DYNC2H1: variants seen among roughly 807,000 people sequenced by gnomAD.
The protein encoded by DYNC2H1 is dynein cytoplasmic 2 heavy chain 1.
A neutral mutation model predicts 570.0 loss-of-function variants in DYNC2H1; 410 were observed. The observed-to-expected ratio is 0.72, with a 90% confidence interval of 0.66 to 0.78. DYNC2H1 has a LOEUF of 0.78. Among genes scored for constraint, DYNC2H1 ranks in the 30% least tolerant of loss-of-function variants. The pLI, the probability that DYNC2H1 is intolerant of heterozygous loss-of-function variation, is 0.00. For synonymous variants in DYNC2H1, 1,688 were observed against 1,677.6 expected, an observed-to-expected ratio of 1.01 and a Z score of -0.15; for missense variants, 4,865 against 5,046.4, an observed-to-expected ratio of 0.96 and a Z score of 1.09.
Position 103,113,549 on chromosome 11 carries a change from G to A in DYNC2H1, c.208G>A (p.Asp70Asn). 1 of 1,557,766 alleles carries A rather than the reference G, an allele frequency of 6.4e-7. No individual in the cohort carries two copies. The highest frequency in any genetic ancestry group is 8.6e-7 in the Non-Finnish European group (1 of 1,158,798). The change falls in exon 2 of 89, where the codon GAC (aspartate) becomes AAC (asparagine). Residue 70 changes from aspartate to asparagine, a missense_variant. Transcript: ENST00000375735. ...TTTATCACTTTAGATTGAGTTTGGT[G>A]ACACAAAAGATAAAGTGCTGGTGTT... ...ISFSNTIEFG[D>N]TKDKVLVFFK...
At chr11:103,419,979 T>G (rs1943424585) in intron 84 of DYNC2H1, among the ~76,000 whole-genome samples, 1 of 150,882 alleles carries the variant, frequency 6.6e-6, no homozygotes, top group South Asian at 2.1e-4. Context: ...CACGAGAACT[T>G]CACAATGCAA....
chr11:103,152,763 C>T (rs1860629161), intron 21 of DYNC2H1, among the ~76,000 whole-genome samples: 2 of 152,098 alleles, frequency 1.3e-5, no homozygotes, highest in Non-Finnish European at 2.9e-5. Flanking sequence ...AGCGTATTGT[C>T]CAGGATGGGT....
chr11:103,172,007 T>C (rs572297798), intron 34 of DYNC2H1, among the ~76,000 whole-genome samples: 1 of 152,334 alleles, frequency 6.6e-6, no homozygotes, highest in Admixed American at 6.5e-5. Flanking sequence ...TTTTATATAA[T>C]GTGGATTGCT....
rs1475643748 is a variant in DYNC2H1 at position 103,241,496 on chromosome 11, T to A, written c.9820-2197T>A. The A allele has an allele frequency of 6.3e-7, 1 of 1,588,686 alleles. No homozygotes were observed. The highest frequency in any genetic ancestry group is 8.6e-7 in the Non-Finnish European group (1 of 1,161,120). ...CTTTGCTAAAAACATTTTGAAATGTTACCTTTCTTCTTTTCATTTAACTGC... is the reference window on the plus strand; with the variant it reads ...CTTTGCTAAAAACATTTTGAAATGTAACCTTTCTTCTTTTCATTTAACTGC... On this transcript the variant is annotated intron_variant, in intron 63 of 88. Transcript: ENST00000375735. This position sits in a 1 kb window ranked among gnomAD's most constrained non-coding sequence, Gnocchi z 5.1.
intron 63 of DYNC2H1, among the ~76,000 whole-genome samples, chr11:103,237,456 A>G (rs1364467126): frequency 6.6e-6 from 1 of 152,052 alleles, no homozygotes; most frequent in African/African-American, 2.4e-5. Flanking sequence ...GCTTCAGCTC[A>G]CTGTATTGGT....
intron 83 of DYNC2H1, among the ~76,000 whole-genome samples, chr11:103,373,013 G>A (rs1200239988): frequency 6.6e-6 from 1 of 152,078 alleles, no homozygotes; most frequent in Non-Finnish European, 1.5e-5. Context: ...GTGTGATCTT[G>A]ACTCACTGCA....
At chr11:103,292,690 T>C (rs958595211) in intron 75 of DYNC2H1, among the ~76,000 whole-genome samples, 4 of 152,220 alleles carry the variant, frequency 2.6e-5, no homozygotes, top group Non-Finnish European at 2.9e-5. Context: ...TCTCAAGACC[T>C]GGTTGTTTAA....
chr11:103,279,107 G>A (rs1235398161), intron 70 of DYNC2H1, among the ~76,000 whole-genome samples: 1 of 152,108 alleles, frequency 6.6e-6, no homozygotes, highest in African/African-American at 2.4e-5. Flanking sequence ...TAGGTACCCT[G>A]TATTTAAGAG....
chr11:103,281,413 G>T (rs576341717), intron 71 of DYNC2H1, among the ~76,000 whole-genome samples: 2 of 152,026 alleles, frequency 1.3e-5, no homozygotes, highest in South Asian at 4.2e-4. Flanking sequence ...ATTGGGAAAG[G>T]AGAACACTTT....
chr11:103,304,829 A>G, intron 77 of DYNC2H1, 109 bp downstream of exon 77: 2 of 1,144,620 alleles, frequency 1.7e-6, no homozygotes, highest in Non-Finnish European at 2.3e-6. Context: ...TTAAAAAGTA[A>G]TATTTGAGAA....
rs199705322 is a variant in DYNC2H1 at position 103,173,202 on chromosome 11, C to T, written c.5455C>T (p.His1819Tyr). Residue 1819 changes from histidine to tyrosine, a missense_variant, in exon 35 of 89, where the codon CAT becomes TAT. His to Tyr is a moderately conservative substitution (Grantham distance 83). Coordinates refer to ENST00000375735, the MANE Select transcript of DYNC2H1 (RefSeq NM_001377.3). ...KQLFRPVAMS[H>Y]PDNELIAEVI... is the part of the protein sequence containing the mutation. ...GCTTTTCAGGCCCGTAGCTATGTCT[C>T]ATCCAGACAATGAGCTTATTGCAGA... The T allele has an allele frequency of 1.8e-5, 29 of 1,602,730 alleles. No individual in the cohort carries two copies. Among genetic ancestry groups the T allele is most frequent in the Non-Finnish European group, 2.5e-5 (29 of 1,174,502 alleles).
At position 103,145,611 on chromosome 11, in the gene DYNC2H1, A is replaced by G. The variant is rs1301846974; in HGVS notation, c.2703-2161A>G. 1.3e-5 allele frequency among the ~76,000 whole-genome samples: 2 copies of G among 152,168 alleles called. No homozygotes were observed. Among genetic ancestry groups the G allele is most frequent in the African/African-American group, 4.8e-5 (2 of 41,450 alleles). On this transcript the variant is annotated intron_variant, in intron 18 of 88. Transcript: ENST00000375735. The surrounding 1 kb of genome is among the most constrained non-coding windows in gnomAD (Gnocchi z 4.2). ...CCCACACTGTATTTTTCATTTTGTC[A>G]TTTCTTGCTAACAAATTAACATGTA...
At chr11:103,347,947 T>C (rs1939830502) in intron 82 of DYNC2H1, among the ~76,000 whole-genome samples, 1 of 152,044 alleles carries the variant, frequency 6.6e-6, no homozygotes, top group African/African-American at 2.4e-5. Context: ...AGTGGCAAAC[T>C]AACCTACACT....
intron 17 of DYNC2H1, among the ~76,000 whole-genome samples, chr11:103,136,349 A>T (rs942492026): frequency 8.6e-5 from 13 of 151,720 alleles, no homozygotes; most frequent in African/African-American, 3.2e-4. Context: ...ACCATTAGGT[A>T]TATCTCCTAA....
At chr11:103,392,440 C>T (rs7949112) in intron 83 of DYNC2H1, among the ~76,000 whole-genome samples, 2,041 of 152,338 alleles carry the variant, frequency 0.013, 47 homozygotes, top group African/African-American at 0.046. Flanking sequence ...TGACCCCTTG[C>T]GCTTACTGGG....
intron 36 of DYNC2H1, among the ~76,000 whole-genome samples, chr11:103,175,576 C>A (rs983127557): frequency 6.6e-6 from 1 of 152,112 alleles, no homozygotes; most frequent in Non-Finnish European, 1.5e-5. Flanking sequence ...TCTTACCAAT[C>A]AGCAGCTAAT....
chr11:103,448,234 C>G (rs1034967959), intron 85 of DYNC2H1, among the ~76,000 whole-genome samples: 1 of 152,002 alleles, frequency 6.6e-6, no homozygotes, highest in African/African-American at 2.4e-5. Context: ...ATCTACAGTG[C>G]TTTTTACTGG....
At chr11:103,144,772 G>A (rs566385950) in intron 18 of DYNC2H1, among the ~76,000 whole-genome samples, 12 of 152,184 alleles carry the variant, frequency 7.9e-5, no homozygotes, top group South Asian at 2.1e-4. Flanking sequence ...AAAGCTGTTC[G>A]TTAGGAAATT....
intron 12 of DYNC2H1, 72 bp downstream of exon 12, chr11:103,125,367 T>G: frequency 1.0e-5 from 1 of 99,020 alleles, no homozygotes; most frequent in Non-Finnish European, 1.7e-5. Flanking sequence ...TGCTAAAGGC[T>G]TTTTTTTTTT....
Sources: allele counts gnomAD v4.1 joint callset (sites outside exome capture counted in the v4.1 genomes callset), GRCh38; gene constraint gnomAD v4.1.1; non-coding constraint Gnocchi (gnomAD v3.1); transcripts MANE v1.5; gene names NCBI Gene and HGNC (gene_info 2026-07-23, HGNC 2026-07-21).